Variants in C12orf42 observed in about 807,000 individuals in gnomAD.
C12orf42 encodes uncharacterized protein C12orf42.
C12orf42 carries 25 observed loss-of-function variants against 21.6 expected under a neutral mutation model. The ratio of observed to expected loss-of-function variants is 1.16; its 90% CI spans 0.84 to 1.62. The LOEUF (loss-of-function observed/expected upper bound fraction) is 1.62, where lower values mean the gene tolerates loss of function less well. Among genes scored for constraint, C12orf42 ranks in the 40% most tolerant of loss-of-function variants. C12orf42 has a pLI of 0.00. For missense variants in C12orf42, 483 were observed against 459.3 expected (o/e 1.05, Z -0.47); for synonymous variants, 174 against 175.0 (o/e 0.99, Z 0.05).
At chr12:103,214,885 C>A in the C12orf42 span, among the ~76,000 whole-genome samples, 2 of 152,140 alleles carry the variant, frequency 1.3e-5, no homozygotes, top group Non-Finnish European at 2.9e-5. Flanking sequence ...TCTTTACTTA[C>A]CTTTCCTAGA....
the C12orf42 span, among the ~76,000 whole-genome samples, chr12:103,502,566 C>T: frequency 6.6e-6 from 1 of 152,132 alleles, no homozygotes; most frequent in East Asian, 1.9e-4. Flanking sequence ...AGAACCTACA[C>T]CTTGGTAACA....
intron 10 of C12orf42, among the ~76,000 whole-genome samples, chr12:103,255,428 A>G (rs2034514635): frequency 6.6e-6 from 1 of 152,150 alleles, no homozygotes; most frequent in African/African-American, 2.4e-5. Context: ...AATTAAATGA[A>G]TGGCGTGTTA....
chr12:103,454,335 A>T (rs1014641170), intron 2 of C12orf42, among the ~76,000 whole-genome samples: 1 of 152,100 alleles, frequency 6.6e-6, no homozygotes, highest in African/African-American at 2.4e-5. Context: ...TCAGAATTAG[A>T]ACAGGGAATA....
the C12orf42 span, among the ~76,000 whole-genome samples, chr12:103,210,398 C>T: frequency 6.6e-6 from 1 of 152,056 alleles, no homozygotes; most frequent in Non-Finnish European, 1.5e-5. Flanking sequence ...CTATAAATCG[C>T]TTCCTAATAT....
At chr12:103,484,035 CCA>C (rs1169631020) in intron 1 of C12orf42, among the ~76,000 whole-genome samples, 1 of 152,160 alleles carries the variant, frequency 6.6e-6, no homozygotes, top group African/African-American at 2.4e-5. Flanking sequence ...TGTATACGTG[CCA>C]CATTTTCTTA....
the C12orf42 span, chr12:103,164,872 T>G: frequency 6.3e-6 from 2 of 315,968 alleles, no homozygotes; most frequent in Non-Finnish European, 1.3e-5. Context: ...TGTGGAGTAT[T>G]AGGATATTAG....
rs150891100 is a variant in C12orf42, at chr12:103,420,125, T to A, written c.79-18450A>T. 4.9e-4 allele frequency among the ~76,000 whole-genome samples: 74 copies of A among 152,356 alleles called. No individual in the cohort carries two copies. The East Asian group carries it at 9.1e-3, about 19-fold the overall frequency. On this transcript the variant is annotated intron_variant, in intron 2 of 5. Coordinates refer to ENST00000548883, the MANE Select transcript of C12orf42 (RefSeq NM_198521.5). ...TGTATTGTCCTTCATAGGCATACTT[T>A]TACATAGTTGTTTTCATTGTAAACA...
chr12:103,516,272 G>C, the C12orf42 span, among the ~76,000 whole-genome samples: 7 of 152,210 alleles, frequency 4.6e-5, no homozygotes, highest in African/African-American at 1.7e-4. Flanking sequence ...TTTTCATTTT[G>C]TTTCTATAAA....
At chr12:103,088,094 G>T in the C12orf42 span, among the ~76,000 whole-genome samples, 1 of 152,204 alleles carries the variant, frequency 6.6e-6, no homozygotes, top group East Asian at 1.9e-4. Flanking sequence ...CAAAGCAACT[G>T]GGATAGAACT....
chr12:103,475,984 T>C (rs577971189), intron 2 of C12orf42, among the ~76,000 whole-genome samples: 4 of 152,276 alleles, frequency 2.6e-5, no homozygotes, highest in Non-Finnish European at 5.9e-5. Flanking sequence ...GACCCTCAAG[T>C]GAACATATTC....
the C12orf42 span, among the ~76,000 whole-genome samples, chr12:103,126,799 AAAC>A: frequency 6.6e-6 from 1 of 152,242 alleles, no homozygotes; most frequent in Admixed American, 6.5e-5. Context: ...AATAGTAACT[AAAC>A]AACTAAAAAT....
At chr12:103,091,420 C>T in the C12orf42 span, among the ~76,000 whole-genome samples, 1 of 151,226 alleles carries the variant, frequency 6.6e-6, no homozygotes, top group Non-Finnish European at 1.5e-5. Context: ...CAAACATTTT[C>T]TTGGAGTCAC....
At chr12:103,540,987 T>G in the C12orf42 span, among the ~76,000 whole-genome samples, 1 of 152,196 alleles carries the variant, frequency 6.6e-6, no homozygotes, top group African/African-American at 2.4e-5. Flanking sequence ...CACTGCAACC[T>G]CTGCCTCCCG....
the C12orf42 span, among the ~76,000 whole-genome samples, chr12:103,090,146 G>A: frequency 6.6e-6 from 1 of 152,176 alleles, no homozygotes; most frequent in African/African-American, 2.4e-5. Context: ...GACTTGTTTA[G>A]CGTGGTCTGA....
At chr12:103,439,767 G>A (rs1464873880) in intron 2 of C12orf42, among the ~76,000 whole-genome samples, 1 of 151,928 alleles carries the variant, frequency 6.6e-6, no homozygotes, top group Non-Finnish European at 1.5e-5. Context: ...AACAGATGCT[G>A]GAGAGGATGT....
At chr12:103,478,316 A>T (rs990509824) in intron 2 of C12orf42, 33 bp downstream of exon 2, 1 of 1,455,884 alleles carries the variant, frequency 6.9e-7, no homozygotes, top group Non-Finnish European at 9.5e-7. Context: ...AACCTAAAAA[A>T]AGTAAGAAAA....
At chr12:103,484,508 TG>T (rs1171785684) in intron 1 of C12orf42, among the ~76,000 whole-genome samples, 2 of 152,200 alleles carry the variant, frequency 1.3e-5, no homozygotes, top group Non-Finnish European at 2.9e-5. Context: ...TCAATGGGGT[TG>T]TTTTTTTCTT....
the C12orf42 span, among the ~76,000 whole-genome samples, chr12:103,228,076 G>A: frequency 6.6e-6 from 1 of 152,156 alleles, no homozygotes; most frequent in Non-Finnish European, 1.5e-5. Flanking sequence ...CCCAAGGGAG[G>A]TCCCCTGATC....
upstream of C12orf42, among the ~76,000 whole-genome samples, chr12:103,498,763 C>T (rs553235824): frequency 1.3e-5 from 2 of 151,468 alleles, no homozygotes; most frequent in Non-Finnish European, 2.9e-5. Flanking sequence ...AGCAAACTAA[C>T]ACTAGAACAG....
Sources: gnomAD v4.1 joint callset for allele counts (sites outside exome capture counted in the v4.1 genomes callset) on GRCh38, gnomAD v4.1.1 for gene constraint, MANE v1.5 for transcripts, NCBI Gene and HGNC (gene_info 2026-07-23, HGNC 2026-07-21) for gene names.